Variants in POLR2G observed in about 807,000 individuals in gnomAD.
The protein encoded by POLR2G is RNA polymerase II subunit G.
POLR2G carries 19 observed loss-of-function variants against 25.7 expected under a neutral mutation model. The observed-to-expected ratio is 0.74, with a 90% CI of 0.52 to 1.08. The LOEUF (loss-of-function observed/expected upper bound fraction) is 1.08, where lower values mean the gene tolerates loss of function less well. Among genes scored for constraint, POLR2G ranks in the 50% least tolerant of loss-of-function variants. The pLI is 0.00. For synonymous variants in POLR2G, 79 were observed against 76.0 expected (o/e 1.04, Z -0.21); for missense variants, 123 against 218.5 (o/e 0.56, Z 2.76).
At chr11:62,761,937 T>G in intron 2 of POLR2G, 33 bp downstream of exon 2, 1 of 1,466,512 alleles carries the variant, frequency 6.8e-7, no homozygotes, top group Non-Finnish European at 9.5e-7. Flanking sequence ...CGCCAGATCG[T>G]TCGATGCGCA....
Position 62,766,703 on chromosome 11 carries a change from G to T in POLR2G, c.*196G>T. ...TGTGTTCTAAGTATAAAAAGTCCTTGGTTCTCATGGAAGTGTTATCTTCTT... is the reference window on the plus strand; with the variant it reads ...TGTGTTCTAAGTATAAAAAGTCCTTTGTTCTCATGGAAGTGTTATCTTCTT... On this transcript the variant is annotated 3_prime_UTR_variant, in exon 8 of 8. Transcript: ENST00000301788. 3.6e-6 allele frequency: 2 copies of T among 562,440 alleles called. No homozygotes were observed. 34.8% of individuals were successfully genotyped at this position (562,440 alleles called of 1,614,324 possible). A position where few individuals can be genotyped will look rare whatever the true frequency, so the allele number is the denominator to read the frequency against.
intron 3 of POLR2G, among the ~76,000 whole-genome samples, chr11:62,763,658 A>G (rs751876889): frequency 6.6e-6 from 1 of 151,898 alleles, no homozygotes; most frequent in Non-Finnish European, 1.5e-5. Context: ...GTCAGTATTA[A>G]TAGTCATAAC....
At position 62,761,669 on chromosome 11, in the gene POLR2G, G is replaced by C. The variant is rs763149393; in HGVS notation, c.12+9G>C. ...GGAAGATGTTCTACCATGTGAGCAG[G>C]GCTCAGGGTGGCGGCAAGGGCTGGG... On this transcript the variant is annotated intron_variant, in intron 1 of 7. Coordinates refer to ENST00000301788, the MANE Select transcript of POLR2G (RefSeq NM_002696.3). 1.2e-6 allele frequency: 2 copies of C among 1,612,144 alleles called. No homozygotes were observed. The highest frequency in any genetic ancestry group is 1.1e-5 in the South Asian group (1 of 90,924).
chr11:62,765,650 C>T lies in POLR2G; in HGVS notation c.400-3C>T. On this transcript the variant is annotated splice_polypyrimidine_tract_variant and splice_region_variant and intron_variant, in intron 5 of 7. Transcript: ENST00000301788. ...TCTGTACACTGTTCCCTCCTCTCCT[C>T]AGGATATTGTGATTCAGCAGGACGA... is the stretch of plus-strand genomic sequence containing the variant. 1 of 1,601,966 alleles carries T rather than the reference C, an allele frequency of 6.2e-7. No homozygotes were observed. Among genetic ancestry groups the T allele is most frequent in the Non-Finnish European group, 8.6e-7 (1 of 1,168,956 alleles).
At chr11:62,762,118 C>G in intron 2 of POLR2G, 1 of 577,148 alleles carries the variant, frequency 1.7e-6, no homozygotes, top group Non-Finnish European at 3.1e-6. Context: ...ATGGGTCATT[C>G]ATTGACTCCT....
intron 1 of POLR2G, 22 bp from the exon 2 acceptor site, chr11:62,761,773 G>T (rs745743870): frequency 1.2e-6 from 2 of 1,610,758 alleles, no homozygotes; most frequent in South Asian, 1.1e-5. Context: ...TGGCCTGGTC[G>T]CCATCCCACT....
intron 3 of POLR2G, among the ~76,000 whole-genome samples, chr11:62,764,292 C>T (rs962079969): frequency 2.0e-5 from 3 of 151,542 alleles, no homozygotes; most frequent in Non-Finnish European, 4.4e-5. Flanking sequence ...GAAACCCCAT[C>T]TCTACTAAAA....
intron 6 of POLR2G, among the ~76,000 whole-genome samples, chr11:62,766,033 C>T (rs1012746261): frequency 6.6e-6 from 1 of 151,930 alleles, no homozygotes; most frequent in Admixed American, 6.6e-5. Context: ...ATGATCCACC[C>T]GACTCGGCCT....
chr11:62,766,619 A>G lies in POLR2G; in HGVS notation c.*112A>G. Reference sequence around the variant, plus strand: ...GTTGTGGAGGCAAGGAAGGCAACTCATCCCAGAAGGCATCTGGTGCTTCTT... The same window carrying G: ...GTTGTGGAGGCAAGGAAGGCAACTCGTCCCAGAAGGCATCTGGTGCTTCTT... On this transcript the variant is annotated 3_prime_UTR_variant, in exon 8 of 8. Coordinates refer to ENST00000301788, the MANE Select transcript of POLR2G (RefSeq NM_002696.3). The G allele has an allele frequency of 2.1e-6, 2 of 934,342 alleles. No individual in the cohort carries two copies. The highest frequency in any genetic ancestry group is 3.4e-6 in the Non-Finnish European group (2 of 580,752). The allele number at this position is 934,342 out of a possible 1,614,324, so 57.9% of individuals were successfully genotyped here. A position where few individuals can be genotyped will look rare whatever the true frequency, so the allele number is the denominator to read the frequency against.
chr11:62,763,976 A>G (rs1414312862), intron 3 of POLR2G, among the ~76,000 whole-genome samples: 1 of 150,272 alleles, frequency 6.7e-6, no homozygotes, highest in Non-Finnish European at 1.5e-5. Context: ...TCCCGACCTC[A>G]GGTGATCTGC....
At chr11:62,766,203 T>C in intron 6 of POLR2G, 40 bp from the exon 7 acceptor site, 1 of 1,598,970 alleles carries the variant, frequency 6.3e-7, no homozygotes, top group Non-Finnish European at 8.6e-7. Flanking sequence ...GGTTCTGTGC[T>C]CATCTTGGCT....
intron 3 of POLR2G, among the ~76,000 whole-genome samples, chr11:62,763,292 C>T (rs771921648): frequency 2.0e-5 from 3 of 148,938 alleles, no homozygotes; most frequent in East Asian, 2.0e-4. Flanking sequence ...CCACCATGGC[C>T]GGCTATTTTT....
chr11:62,763,129 CTTTTTTT>C (rs149301237), intron 3 of POLR2G, 103 bp downstream of exon 3: 14 of 275,398 alleles, frequency 5.1e-5, no homozygotes, highest in South Asian at 9.8e-5. Context: ...AGTCACTTCA[CTTTTTTT>C]TTTTTTTTTT....
intron 2 of POLR2G, 57 bp from the exon 3 acceptor site, chr11:62,762,810 A>G: frequency 7.0e-7 from 1 of 1,430,634 alleles, no homozygotes; most frequent in South Asian, 1.3e-5. Flanking sequence ...TTTATTGCAG[A>G]TGTCTTTAGA....
At position 62,766,631 on chromosome 11, in the gene POLR2G, A is replaced by G; in HGVS notation, c.*124A>G. 1.2e-6 allele frequency: 1 copy of G among 810,528 alleles called. No individual in the cohort carries two copies. The highest frequency in any genetic ancestry group is 2.1e-6 in the Non-Finnish European group (1 of 478,858). 50.2% of individuals were successfully genotyped at this position (810,528 alleles called of 1,614,324 possible). Reference sequence around the variant, plus strand: ...AGGAAGGCAACTCATCCCAGAAGGCATCTGGTGCTTCTTGTAGCTTAACTA... The same window carrying G: ...AGGAAGGCAACTCATCCCAGAAGGCGTCTGGTGCTTCTTGTAGCTTAACTA... On this transcript the variant is annotated 3_prime_UTR_variant, in exon 8 of 8. Coordinates refer to ENST00000301788, the MANE Select transcript of POLR2G (RefSeq NM_002696.3).
rs748687968 is a variant in POLR2G at position 62,765,438 on chromosome 11, G to C, written c.399+33G>C. The C allele has an allele frequency of 9.6e-6, 15 of 1,557,396 alleles. No homozygotes were observed. The East Asian group carries it at 2.7e-4, about 28-fold the overall frequency. ...GACAGAAAGAAGTCAGGGAGACAAG[G>C]AGAGAATCAGCCATCCTGAGGGAGA... On this transcript the variant is annotated intron_variant, in intron 5 of 7. Coordinates refer to ENST00000301788, the MANE Select transcript of POLR2G (RefSeq NM_002696.3).
At chr11:62,762,092 C>A (rs906396837) in intron 2 of POLR2G, 188 bp downstream of exon 2, 1 of 592,838 alleles carries the variant, frequency 1.7e-6, no homozygotes, top group Non-Finnish European at 3.0e-6. Flanking sequence ...AATAAGACTT[C>A]CTTCTCTCAG....
At chr11:62,762,692 A>G in intron 2 of POLR2G, 175 bp from the exon 3 acceptor site, 1 of 643,492 alleles carries the variant, frequency 1.6e-6, no homozygotes, top group Non-Finnish European at 2.9e-6. Flanking sequence ...TCTTACACAT[A>G]CTGATCTCTG....
intron 3 of POLR2G, 103 bp downstream of exon 3, chr11:62,763,129 CTTTT>C (rs149301237): frequency 1.5e-3 from 414 of 273,454 alleles, no homozygotes; most frequent in South Asian, 2.2e-3. Flanking sequence ...AGTCACTTCA[CTTTT>C]TTTTTTTTTT....
Sources: allele counts gnomAD v4.1 joint callset (sites outside exome capture counted in the v4.1 genomes callset), GRCh38; gene constraint gnomAD v4.1.1; transcripts MANE v1.5; gene names NCBI Gene and HGNC (gene_info 2026-07-23, HGNC 2026-07-21).